CYP27A1: variants seen among roughly 807,000 people sequenced by gnomAD.
CYP27A1 encodes cytochrome P450 family 27 subfamily A member 1, also known as sterol 26-hydroxylase, mitochondrial.
Under a neutral mutation model 58.2 loss-of-function variants are expected in CYP27A1, and 46 were observed. The ratio of observed to expected loss-of-function variants is 0.79; its 90% CI spans 0.62 to 1.01. The LOEUF is 1.01. Ranked by LOEUF, CYP27A1 falls within the 50% of genes least tolerant of loss-of-function variation. CYP27A1 has a pLI of 0.00. For missense variants in CYP27A1, 704 were observed against 687.0 expected (o/e 1.02, Z -0.28); for synonymous variants, 274 against 285.1 (o/e 0.96, Z 0.39).
chr2:218,814,194 C>T lies in CYP27A1; in HGVS notation c.1184+7C>T, dbSNP rs1575206765. On this transcript the variant is annotated splice_region_variant and intron_variant, in intron 6 of 8. Coordinates refer to ENST00000258415, the MANE Select transcript of CYP27A1 (RefSeq NM_000784.4). ...TGCTTAAGGAGACTCTGCGGTAGGA[C>T]AGAATGCTGTTCTGGGGGGCACAGG... 1 of 1,614,218 alleles carries T rather than the reference C, an allele frequency of 6.2e-7. No individual in the cohort carries two copies. Among genetic ancestry groups the T allele is most frequent in the African/African-American group, 1.3e-5 (1 of 75,070 alleles).
At chr2:218,796,449 C>A (rs1943548839) in intron 1 of CYP27A1, among the ~76,000 whole-genome samples, 1 of 152,114 alleles carries the variant, frequency 6.6e-6, no homozygotes, top group African/African-American at 2.4e-5. Flanking sequence ...CAAAAATTAG[C>A]CAGGCGTGGT....
At chr2:218,790,237 A>G (rs1420756056) in intron 1 of CYP27A1, among the ~76,000 whole-genome samples, 1 of 152,212 alleles carries the variant, frequency 6.6e-6, no homozygotes, top group East Asian at 1.9e-4. Context: ...ATGGTCACAT[A>G]TATCTTTTAG....
chr2:218,798,743 C>T (rs577195792), intron 1 of CYP27A1, among the ~76,000 whole-genome samples: 76 of 152,108 alleles, frequency 5.0e-4, no homozygotes, highest in Admixed American at 9.2e-4. Flanking sequence ...ATTAGCTGGA[C>T]GTGGTGGCAT....
rs748087582 is a variant in CYP27A1 at position 218,782,276 on chromosome 2, C to T, written c.94C>T (p.Pro32Ser). 1.3e-6 allele frequency: 2 copies of T among 1,580,454 alleles called. No individual in the cohort carries two copies. Among genetic ancestry groups the T allele is most frequent in the Non-Finnish European group, 1.7e-6 (2 of 1,163,404 alleles). Residue 32 changes from proline (P) to serine (S), a missense_variant, in exon 1 of 9, where the codon CCT becomes TCT. Pro to Ser is a moderately conservative substitution (Grantham distance 74). Coordinates refer to ENST00000258415, the MANE Select transcript of CYP27A1 (RefSeq NM_000784.4). The surrounding 1 kb of genome is among the most constrained non-coding windows in gnomAD (Gnocchi z 4.1). ...PHGARAKAAIPAALPSDKATG... is the reference protein window; with the variant it reads ...PHGARAKAAISAALPSDKATG... ...CGGGGCCAGAGCCAAGGCCGCGATC[C>T]CTGCCGCCCTCCCCTCGGACAAGGC...
At chr2:218,810,961 C>T (rs1943707857) in intron 2 of CYP27A1, among the ~76,000 whole-genome samples, 1 of 152,056 alleles carries the variant, frequency 6.6e-6, no homozygotes, top group Non-Finnish European at 1.5e-5. Flanking sequence ...TCCTGGCTAA[C>T]ACGGTGAAAC....
intron 1 of CYP27A1, among the ~76,000 whole-genome samples, chr2:218,808,235 A>G (rs1943671277): frequency 6.6e-6 from 1 of 152,218 alleles, no homozygotes; most frequent in African/African-American, 2.4e-5. Flanking sequence ...TTCCAGGAAA[A>G]TAGGCATATT....
chr2:218,814,975 T>TG lies in CYP27A1; in HGVS notation c.1541_1542insG (p.Ile514MetfsTer7). 6.2e-7 allele frequency: 1 copy of TG among 1,614,194 alleles called. No homozygotes were observed. Among genetic ancestry groups the TG allele is most frequent in the Non-Finnish European group, 8.5e-7 (1 of 1,180,010 alleles). The stretch of plus-strand genomic sequence containing the variant: ...GGGGAGTTGAAGAGTGTGGCCCGCA[T>TG]TGTCCTGGTTCCCAATAAGAAAGTG... On this transcript the variant is annotated frameshift_variant, in exon 9 of 9. Transcript: ENST00000258415. LOFTEE classifies it high-confidence loss of function.
chr2:218,787,515 T>G (rs1943451539), intron 1 of CYP27A1, among the ~76,000 whole-genome samples: 1 of 152,184 alleles, frequency 6.6e-6, no homozygotes, highest in South Asian at 2.1e-4. Context: ...GATTATATAA[T>G]GAGGAGGTGC....
intron 1 of CYP27A1, among the ~76,000 whole-genome samples, chr2:218,789,269 A>G (rs1298731134): frequency 1.3e-5 from 2 of 152,230 alleles, no homozygotes; most frequent in African/African-American, 2.4e-5. Flanking sequence ...GGACAGATCT[A>G]TTAATATTTA....
At chr2:218,813,203 T>A in intron 5 of CYP27A1, 107 bp downstream of exon 5, 1 of 1,039,720 alleles carries the variant, frequency 9.6e-7, no homozygotes, top group South Asian at 1.6e-5. Flanking sequence ...AGGACCTGCT[T>A]CTTTTTCTGT....
chr2:218,798,113 A>G (rs1319783693), intron 1 of CYP27A1, among the ~76,000 whole-genome samples: 2 of 151,702 alleles, frequency 1.3e-5, no homozygotes, highest in African/African-American at 4.8e-5. Context: ...AGCAATTCTC[A>G]TGCCTCAGCC....
intron 1 of CYP27A1, among the ~76,000 whole-genome samples, chr2:218,801,440 A>T (rs1278194087): frequency 1.3e-5 from 2 of 152,238 alleles, no homozygotes; most frequent in Non-Finnish European, 2.9e-5. Flanking sequence ...TGGGAAGTGG[A>T]GGTTGCAGTG....
intron 6 of CYP27A1, 33 bp downstream of exon 6, chr2:218,814,220 ATC>A: frequency 6.2e-7 from 1 of 1,613,998 alleles, no homozygotes; most frequent in Non-Finnish European, 8.5e-7. Context: ...GGGGCACAGG[ATC>A]TCTTTGTGGG....
intron 1 of CYP27A1, among the ~76,000 whole-genome samples, chr2:218,804,083 C>T (rs1262069840): frequency 1.3e-5 from 2 of 151,828 alleles, no homozygotes; most frequent in African/African-American, 2.4e-5. Flanking sequence ...AAAAAAATTC[C>T]TCATGCATTT....
At chr2:218,796,642 A>T (rs1304811295) in intron 1 of CYP27A1, among the ~76,000 whole-genome samples, 1 of 152,192 alleles carries the variant, frequency 6.6e-6, no homozygotes, top group East Asian at 1.9e-4. Context: ...TAGTTTCCAA[A>T]TTCTAGAGGA....
In CYP27A1 at chr2:218,782,820, A is replaced by G. The variant is rs1943406870; in HGVS notation, c.255+383A>G. Among the ~76,000 whole-genome samples the G allele has an allele frequency of 6.6e-6, 1 of 152,204 alleles. No homozygotes were observed. Among genetic ancestry groups the G allele is most frequent in the African/African-American group, 2.4e-5 (1 of 41,448 alleles). ...TATTGGCTACCACAGACTTCTTCCA[A>G]ACGAAATAACTTCAGGAGGATTATA... is the stretch of plus-strand genomic sequence containing the variant. On this transcript the variant is annotated intron_variant, in intron 1 of 8. Transcript: ENST00000258415. This position sits in a 1 kb window ranked among gnomAD's most constrained non-coding sequence, Gnocchi z 4.1.
chr2:218,810,410 G>A (rs1440404430), intron 2 of CYP27A1, among the ~76,000 whole-genome samples: 2 of 152,128 alleles, frequency 1.3e-5, no homozygotes, highest in African/African-American at 2.4e-5. Flanking sequence ...TAAACATTAT[G>A]TAGAGCCCTT....
At chr2:218,802,929 C>A (rs902967144) in intron 1 of CYP27A1, among the ~76,000 whole-genome samples, 3 of 151,970 alleles carry the variant, frequency 2.0e-5, no homozygotes, top group Non-Finnish European at 4.4e-5. Context: ...TATTCAAGTT[C>A]TTTGCTTATT....
chr2:218,799,506 A>G (rs188543799), intron 1 of CYP27A1, among the ~76,000 whole-genome samples: 7 of 152,162 alleles, frequency 4.6e-5, no homozygotes, highest in Admixed American at 3.3e-4. Flanking sequence ...CCCCTCCCCA[A>G]TATAAACCCC....
Sources: gnomAD v4.1 joint callset for allele counts (sites outside exome capture counted in the v4.1 genomes callset) on GRCh38, gnomAD v4.1.1 for gene constraint, Gnocchi (gnomAD v3.1) non-coding constraint, MANE v1.5 for transcripts, NCBI Gene and HGNC (gene_info 2026-07-23, HGNC 2026-07-21) for gene names.